Variants in TENM2 observed in about 807,000 individuals in gnomAD.
The protein encoded by TENM2 is teneurin-2.
Under a neutral mutation model 245.2 loss-of-function variants are expected in TENM2, and 52 were observed. The ratio of observed to expected loss-of-function variants is 0.21; its 90% CI spans 0.17 to 0.27. The LOEUF (loss-of-function observed/expected upper bound fraction) is 0.27, where lower values mean the gene tolerates loss of function less well. Among genes scored for constraint, TENM2 ranks in the 10% least tolerant of loss-of-function variants. The pLI is 1.00. For missense variants in TENM2, 3,046 were observed against 3,666.8 expected (o/e 0.83, Z 4.37); for synonymous variants, 1,363 against 1,438.9 (o/e 0.95, Z 1.19).
At chr5:167,404,117 A>C (rs1305630361) in intron 2 of TENM2, among the ~76,000 whole-genome samples, 1 of 151,994 alleles carries the variant, frequency 6.6e-6, no homozygotes, top group Non-Finnish European at 1.5e-5. Flanking sequence ...ATTTTAAACC[A>C]ATTTAACTCT....
intron 2 of TENM2, among the ~76,000 whole-genome samples, chr5:167,530,877 C>T (rs1771448574): frequency 1.3e-5 from 2 of 152,148 alleles, no homozygotes; most frequent in South Asian, 2.1e-4. Flanking sequence ...GAAGCAGTCC[C>T]GCTAGAAGCC....
chr5:168,260,514 T>C (rs1024620172), intron 28 of TENM2, 101 bp downstream of exon 30: 2 of 1,382,360 alleles, frequency 1.4e-6, no homozygotes, highest in Non-Finnish European at 2.0e-6. Flanking sequence ...AGGAAAACAT[T>C]GGAGCTGGGT....
At chr5:167,555,747 A>G (rs1398500491) in intron 2 of TENM2, among the ~76,000 whole-genome samples, 7 of 152,318 alleles carry the variant, frequency 4.6e-5, no homozygotes, top group African/African-American at 1.7e-4. Context: ...TCTCGGAATC[A>G]GTAAACACAG....
intron 2 of TENM2, among the ~76,000 whole-genome samples, chr5:167,419,698 T>C (rs747087998): frequency 5.3e-5 from 8 of 152,208 alleles, no homozygotes; most frequent in Non-Finnish European, 1.2e-4. Context: ...TAAGTTACAA[T>C]TCTGGATTTA....
chr5:167,594,596 A>T (rs986208927), intron 2 of TENM2, among the ~76,000 whole-genome samples: 2 of 152,202 alleles, frequency 1.3e-5, no homozygotes, highest in Non-Finnish European at 2.9e-5. Flanking sequence ...TTTATTTGTT[A>T]AAAAGAGCAA....
chr5:167,137,602 A>G, the TENM2 span, among the ~76,000 whole-genome samples: 2 of 152,168 alleles, frequency 1.3e-5, no homozygotes, highest in Non-Finnish European at 2.9e-5. Flanking sequence ...GTATGACTAT[A>G]CTACTGATCT....
the TENM2 span, among the ~76,000 whole-genome samples, chr5:167,100,110 T>C: frequency 6.6e-6 from 1 of 152,212 alleles, no homozygotes; most frequent in Non-Finnish European, 1.5e-5. Flanking sequence ...CACTTTCCCC[T>C]ATGTAAAGAT....
the TENM2 span, among the ~76,000 whole-genome samples, chr5:167,140,928 T>C: frequency 6.6e-6 from 1 of 152,290 alleles, no homozygotes; most frequent in South Asian, 2.1e-4. Flanking sequence ...AGGTGACTCA[T>C]AGAGGGTCCT....
the TENM2 span, among the ~76,000 whole-genome samples, chr5:167,101,154 G>T: frequency 6.6e-6 from 1 of 152,178 alleles, no homozygotes; most frequent in Middle Eastern, 3.4e-3. Flanking sequence ...GATTTATTTT[G>T]TGCTCCCCAC....
At chr5:167,687,202 C>A (rs1757133271) in intron 2 of TENM2, among the ~76,000 whole-genome samples, 1 of 152,042 alleles carries the variant, frequency 6.6e-6, no homozygotes, top group African/African-American at 2.4e-5. Context: ...AGTTTGATTT[C>A]TTTAAGTCAA....
At chr5:167,821,005 T>A (rs1456773866) in intron 2 of TENM2, 1 of 152,144 alleles carries the variant, frequency 6.6e-6, no homozygotes, top group African/African-American at 2.4e-5. Flanking sequence ...TTAAGCCTAG[T>A]CTTGGCCATA....
At chr5:167,488,638 T>C (rs1014999346) in intron 2 of TENM2, among the ~76,000 whole-genome samples, 2 of 152,152 alleles carry the variant, frequency 1.3e-5, no homozygotes, top group Non-Finnish European at 2.9e-5. Flanking sequence ...CTTCACTCTA[T>C]GAAATCCTGC....
At position 167,872,509 on chromosome 5, in the gene TENM2, AAAG is replaced by A. The variant is rs1561881122; in HGVS notation, c.503-3474_503-3472del. On this transcript the variant is annotated intron_variant, in intron 2 of 28. Transcript: ENST00000518659. Reference sequence around the variant, plus strand: ...AAAAGAAAGAAAGAAAGAAAGAAAGAAAGAAAGAAAGAAAGAAAGAAAGAAAGA... The same window carrying A: ...AAAAGAAAGAAAGAAAGAAAGAAAGAAAAGAAAGAAAGAAAGAAAGAAAGA... 7.1e-3 allele frequency among the ~76,000 whole-genome samples: 78 copies of A among 10,940 alleles called. 1 individual carries two copies. The highest frequency in any genetic ancestry group is 0.014 in the African/African-American group (69 of 4,948). 7.2% of individuals were successfully genotyped at this position (10,940 alleles called of 152,430 possible).
At chr5:167,753,391 C>T (rs1191543894) in intron 2 of TENM2, among the ~76,000 whole-genome samples, 1 of 152,128 alleles carries the variant, frequency 6.6e-6, no homozygotes, top group Admixed American at 6.6e-5. Flanking sequence ...TTGCCAGGAG[C>T]TTAATTTGGG....
chr5:167,114,763 T>C, the TENM2 span, among the ~76,000 whole-genome samples: 3 of 152,134 alleles, frequency 2.0e-5, no homozygotes, highest in Non-Finnish European at 4.4e-5. Context: ...TTTCCAAAAC[T>C]TGAAAAGGCC....
chr5:167,562,957 C>CAAAAAAA (rs58779751), intron 2 of TENM2, among the ~76,000 whole-genome samples: 2 of 77,548 alleles, frequency 2.6e-5, no homozygotes, highest in African/African-American at 4.2e-5. Flanking sequence ...AATTCTGTCT[C>CAAAAAAA]AAAAAAAAAA....
At chr5:167,934,999 C>CA in intron 3 of TENM2, 1 of 817,582 alleles carries the variant, frequency 1.2e-6, no homozygotes, top group Non-Finnish European at 1.5e-6. Flanking sequence ...CAGTAGGTGT[C>CA]ATTTTAGTTG....
chr5:166,979,188 C>CAGCAGCAGCAGCAGCAGCAGCAG, the TENM2 span, among the ~76,000 whole-genome samples: 2 of 97,550 alleles, frequency 2.1e-5, no homozygotes, highest in African/African-American at 7.7e-5. Flanking sequence ...AGCAGCAGCA[C>CAGCAGCAGCAGCAGCAGCAGCAG]CACCACCAGC....
chr5:167,468,761 G>A (rs1342038420), intron 2 of TENM2, among the ~76,000 whole-genome samples: 2 of 152,062 alleles, frequency 1.3e-5, no homozygotes, highest in East Asian at 1.9e-4. Flanking sequence ...TTGAATCATT[G>A]ATTCTCAAAT....
Sources: gnomAD v4.1 joint callset for allele counts (sites outside exome capture counted in the v4.1 genomes callset) on GRCh38, gnomAD v4.1.1 for gene constraint, MANE v1.5 for transcripts, NCBI Gene and HGNC (gene_info 2026-07-23, HGNC 2026-07-21) for gene names.